Variants in FSTL5 observed in about 807,000 individuals in gnomAD.
The protein encoded by FSTL5 is follistatin like 5, also known as follistatin-related protein 5.
Under a neutral mutation model 89.1 loss-of-function variants are expected in FSTL5, and 62 were observed. The ratio of observed to expected loss-of-function variants is 0.70; its 90% CI spans 0.57 to 0.86. The LOEUF is 0.86. Ranked by LOEUF, FSTL5 falls within the 40% of genes least tolerant of loss-of-function variation. FSTL5 has a pLI of 0.00. For synonymous variants in FSTL5, 383 were observed against 346.2 expected, an observed-to-expected ratio of 1.11 and a Z score of -1.18; for missense variants, 1,057 against 1,001.6, an observed-to-expected ratio of 1.06 and a Z score of -0.75.
intron 7 of FSTL5, among the ~76,000 whole-genome samples, chr4:161,643,423 G>A (rs1176259109): frequency 1.3e-5 from 2 of 150,814 alleles, no homozygotes; most frequent in East Asian, 1.9e-4. Context: ...ATTCCATAGT[G>A]TATATGTTTC....
intron 4 of FSTL5, among the ~76,000 whole-genome samples, chr4:161,779,878 C>T (rs1741598081): frequency 7.4e-6 from 1 of 134,772 alleles, no homozygotes; most frequent in African/African-American, 2.7e-5. Context: ...GTTTATATTA[C>T]AGAAGGAGAA....
intron 3 of FSTL5, among the ~76,000 whole-genome samples, chr4:161,931,357 G>A (rs953986927): frequency 6.6e-6 from 1 of 151,916 alleles, no homozygotes; most frequent in Middle Eastern, 3.4e-3. Flanking sequence ...AACAAGAACA[G>A]CTATAAGAAA....
At chr4:161,850,874 T>C (rs554055363) in intron 4 of FSTL5, among the ~76,000 whole-genome samples, 1 of 152,222 alleles carries the variant, frequency 6.6e-6, no homozygotes, top group Non-Finnish European at 1.5e-5. Flanking sequence ...TGCAGGGACA[T>C]GGATGGAGCT....
intron 4 of FSTL5, among the ~76,000 whole-genome samples, chr4:161,791,200 A>G (rs1277555807): frequency 9.9e-6 from 1 of 101,268 alleles, no homozygotes; most frequent in African/African-American, 2.7e-5. Context: ...AAATTGCACC[A>G]TAGAAGAAAA....
chr4:161,956,520 T>C (rs940152913), intron 3 of FSTL5, among the ~76,000 whole-genome samples: 14 of 151,792 alleles, frequency 9.2e-5, no homozygotes, highest in African/African-American at 3.1e-4. Context: ...AAACAGAAAA[T>C]ATTTGCAACA....
chr4:161,519,458 G>T (rs1465446830), intron 10 of FSTL5, among the ~76,000 whole-genome samples: 1 of 152,072 alleles, frequency 6.6e-6, no homozygotes, highest in Non-Finnish European at 1.5e-5. Context: ...CCCGGGAGGT[G>T]GAGCTTGCAG....
chr4:161,867,841 G>A (rs1312829617), intron 4 of FSTL5, among the ~76,000 whole-genome samples: 1 of 151,666 alleles, frequency 6.6e-6, no homozygotes, highest in African/African-American at 2.4e-5. Flanking sequence ...ATCTAAGATG[G>A]TCATCAATCA....
chr4:161,959,668 T>G (rs1735117777), intron 3 of FSTL5, among the ~76,000 whole-genome samples: 1 of 152,160 alleles, frequency 6.6e-6, no homozygotes, highest in South Asian at 2.1e-4. Context: ...ATATTTAGAC[T>G]AGAGATGTTT....
chr4:161,688,981 C>T (rs1041183328), intron 6 of FSTL5, among the ~76,000 whole-genome samples: 1 of 152,100 alleles, frequency 6.6e-6, no homozygotes, highest in East Asian at 1.9e-4. Flanking sequence ...TCAAAATAAA[C>T]AAATTACTTG....
rs186630703 is a variant in FSTL5 at position 161,904,069 on chromosome 4, A to G, written c.409+16335T>C. Among the ~76,000 whole-genome samples the G allele has an allele frequency of 1.8e-4, 27 of 152,164 alleles. No homozygotes were observed. In the East Asian group the frequency reaches 3.3e-3, roughly 18 times the overall value. On this transcript the variant is annotated intron_variant, in intron 4 of 15. Coordinates refer to ENST00000306100, the MANE Select transcript of FSTL5 (RefSeq NM_020116.5). ...TTATAATAGCCATACATGGAGGAAAATATTTTATTTATTTTTTTCTATGGA... is the reference window on the plus strand; with the variant it reads ...TTATAATAGCCATACATGGAGGAAAGTATTTTATTTATTTTTTTCTATGGA...
intron 6 of FSTL5, among the ~76,000 whole-genome samples, chr4:161,735,401 T>C (rs1051461399): frequency 2.0e-5 from 3 of 152,138 alleles, no homozygotes; most frequent in East Asian, 1.9e-4. Context: ...ACATTGACCA[T>C]TGGTGATCAA....
At chr4:161,734,023 T>C (rs1485054378) in intron 6 of FSTL5, among the ~76,000 whole-genome samples, 1 of 152,088 alleles carries the variant, frequency 6.6e-6, no homozygotes, top group Non-Finnish European at 1.5e-5. Flanking sequence ...ACATGAATAA[T>C]ATTTTTGAAT....
chr4:161,580,603 T>C (rs1300076812), intron 8 of FSTL5, among the ~76,000 whole-genome samples: 1 of 152,118 alleles, frequency 6.6e-6, no homozygotes, highest in Admixed American at 6.5e-5. Flanking sequence ...TGAACAATGT[T>C]GAATGCCCCT....
chr4:161,939,528 C>T (rs189932129), intron 3 of FSTL5, among the ~76,000 whole-genome samples: 91 of 151,978 alleles, frequency 6.0e-4, no homozygotes, highest in African/African-American at 2.1e-3. Flanking sequence ...AGCTGATTCT[C>T]GTGCACTTTG....
chr4:161,384,293 A>G lies in FSTL5; in HGVS notation c.*1454T>C, dbSNP rs1215629860. On this transcript the variant is annotated 3_prime_UTR_variant, in exon 16 of 16. Coordinates refer to ENST00000306100, the MANE Select transcript of FSTL5 (RefSeq NM_020116.5). ...GACCTTATTGGATTACCTTAAGTAA[A>G]TGGAGGTCATTTCAACAGCCCATTA... is the stretch of plus-strand genomic sequence containing the variant. The G allele has an allele frequency of 6.6e-6, 1 of 152,158 alleles. No homozygotes were observed. Among genetic ancestry groups the G allele is most frequent in the Non-Finnish European group, 1.5e-5 (1 of 68,004 alleles). The allele number at this position is 152,158 out of a possible 1,614,324, so 9.4% of individuals were successfully genotyped here. A position where few individuals can be genotyped will look rare whatever the true frequency, so the allele number is the denominator to read the frequency against.
intron 7 of FSTL5, among the ~76,000 whole-genome samples, chr4:161,641,714 T>C (rs893091524): frequency 6.6e-6 from 1 of 151,940 alleles, no homozygotes; most frequent in Admixed American, 6.6e-5. Flanking sequence ...ATGGTCTCGA[T>C]CTCCTGACCT....
chr4:162,055,222 G>A (rs1189674359), intron 2 of FSTL5, among the ~76,000 whole-genome samples: 1 of 151,716 alleles, frequency 6.6e-6, no homozygotes, highest in Non-Finnish European at 1.5e-5. Flanking sequence ...TTGCCTGGTT[G>A]TGAGATTTAA....
intron 3 of FSTL5, among the ~76,000 whole-genome samples, chr4:161,941,044 A>G (rs927370276): frequency 2.6e-5 from 4 of 151,894 alleles, no homozygotes; most frequent in African/African-American, 7.2e-5. Flanking sequence ...GCTGTACGAA[A>G]AAGTGTTTTG....
intron 8 of FSTL5, among the ~76,000 whole-genome samples, chr4:161,558,201 G>A (rs371981697): frequency 3.5e-4 from 53 of 151,880 alleles, no homozygotes; most frequent in East Asian, 9.7e-4. Context: ...ATAAACTATC[G>A]AAAGGAAGAG....
Sources: allele counts gnomAD v4.1 joint callset (sites outside exome capture counted in the v4.1 genomes callset), GRCh38; gene constraint gnomAD v4.1.1; transcripts MANE v1.5; gene names NCBI Gene and HGNC (gene_info 2026-07-23, HGNC 2026-07-21).